The following ADAMTS12 variants were observed in gnomAD, a reference collection of about 807,000 sequenced individuals.
ADAMTS12 encodes the protein ADAM metallopeptidase with thrombospondin type 1 motif 12.
Under a neutral mutation model 167.8 loss-of-function variants are expected in ADAMTS12, and 118 were observed. The ratio of observed to expected loss-of-function variants is 0.70; its 90% CI spans 0.61 to 0.82. The LOEUF is 0.82. ADAMTS12 is among the 40% of genes least tolerant of loss of function. The pLI is 0.00. For synonymous variants in ADAMTS12, 704 were observed against 716.9 expected (o/e 0.98, Z 0.29); for missense variants, 1,916 against 1,998.8 (o/e 0.96, Z 0.79).
chr5:33,825,185 G>A (rs1748015680), intron 2 of ADAMTS12, among the ~76,000 whole-genome samples: 1 of 152,164 alleles, frequency 6.6e-6, no homozygotes, highest in Admixed American at 6.6e-5. Flanking sequence ...TTTCTGCTCT[G>A]CAAAGAGCTT....
At chr5:33,668,259 A>G (rs1033870623) in intron 5 of ADAMTS12, among the ~76,000 whole-genome samples, 7 of 130,038 alleles carry the variant, frequency 5.4e-5, no homozygotes. Context: ...TAAAGTGTTG[A>G]ATAGCTCATG....
intron 23 of ADAMTS12, among the ~76,000 whole-genome samples, chr5:33,532,138 A>T (rs1457800647): frequency 6.6e-6 from 1 of 152,182 alleles, no homozygotes; most frequent in Non-Finnish European, 1.5e-5. Flanking sequence ...TCACATTTGG[A>T]AATTTAAAGG....
Position 33,679,877 on chromosome 5 carries a change from C to T in ADAMTS12, c.915+3141G>A, listed in dbSNP as rs1020055103. 1.7e-4 allele frequency among the ~76,000 whole-genome samples: 26 copies of T among 152,278 alleles called. No individual in the cohort carries two copies. In the Middle Eastern group the frequency reaches 0.01, roughly 60 times the overall value. On this transcript the variant is annotated intron_variant, in intron 5 of 23. Coordinates refer to ENST00000504830, the MANE Select transcript of ADAMTS12 (RefSeq NM_030955.4). ...CAATGATGTAACTTCCTTAGAGTTG[C>T]TGAACTCAGGTCAACTTGCTCAAAG...
chr5:33,734,519 C>CAG (rs1744300720), intron 3 of ADAMTS12, among the ~76,000 whole-genome samples: 1 of 152,290 alleles, frequency 6.6e-6, no homozygotes, highest in African/African-American at 2.4e-5. Context: ...ACAAGGAAGA[C>CAG]AGCTAACATG....
intron 8 of ADAMTS12, among the ~76,000 whole-genome samples, 159 bp from the exon 9 acceptor site, chr5:33,649,125 T>A (rs1740785392): frequency 6.6e-6 from 1 of 152,222 alleles, no homozygotes; most frequent in Admixed American, 6.5e-5. Context: ...ATGGGAGTTA[T>A]TAAAGAAAAT....
intron 3 of ADAMTS12, among the ~76,000 whole-genome samples, chr5:33,696,750 A>G (rs35185995): frequency 0.35 from 52,646 of 152,058 alleles, 10,859 homozygotes; most frequent in Non-Finnish European, 0.47. Flanking sequence ...AATTTTTTCA[A>G]TAGAGATATT....
At chr5:33,771,594 A>G (rs781718005) in intron 2 of ADAMTS12, among the ~76,000 whole-genome samples, 14 of 152,144 alleles carry the variant, frequency 9.2e-5, no homozygotes, top group Non-Finnish European at 1.3e-4. Flanking sequence ...TTTAACAGAT[A>G]GAGTTTTAGT....
intron 3 of ADAMTS12, among the ~76,000 whole-genome samples, chr5:33,724,700 C>T (rs376468757): frequency 3.9e-4 from 59 of 151,994 alleles, no homozygotes; most frequent in African/African-American, 1.3e-3. Flanking sequence ...TACAGGCGCC[C>T]GCCACCGTGC....
At position 33,561,016 on chromosome 5, in the gene ADAMTS12, T is replaced by C. The variant is rs757085475; in HGVS notation, c.4125+11A>G. 4 of 1,613,662 alleles carry C rather than the reference T, an allele frequency of 2.5e-6. No homozygotes were observed. The highest frequency in any genetic ancestry group is 3.4e-6 in the Non-Finnish European group (4 of 1,179,910). Reference sequence around the variant, plus strand: ...TCTACCTCCAAGACTCTGCCAAGCCTGATAAGTTACCTTGCTCCAGTTTCC... The same window carrying C: ...TCTACCTCCAAGACTCTGCCAAGCCCGATAAGTTACCTTGCTCCAGTTTCC... On this transcript the variant is annotated intron_variant, in intron 20 of 23. Coordinates refer to ENST00000504830, the MANE Select transcript of ADAMTS12 (RefSeq NM_030955.4).
intron 3 of ADAMTS12, among the ~76,000 whole-genome samples, chr5:33,714,440 C>T (rs1185673582): frequency 2.0e-5 from 3 of 152,050 alleles, no homozygotes; most frequent in Non-Finnish European, 4.4e-5. Flanking sequence ...CCAGCAACCC[C>T]ACTAATATCT....
intron 3 of ADAMTS12, among the ~76,000 whole-genome samples, chr5:33,743,736 C>T (rs2112376782): frequency 6.6e-6 from 1 of 152,298 alleles, no homozygotes; most frequent in Non-Finnish European, 1.5e-5. Context: ...TCCATCCATC[C>T]ACCCACCCTT....
chr5:33,627,775 AATTG>A (rs1719433230), intron 13 of ADAMTS12, among the ~76,000 whole-genome samples: 1 of 152,158 alleles, frequency 6.6e-6, no homozygotes, highest in Non-Finnish European at 1.5e-5. Context: ...AGCTCTGAGC[AATTG>A]ATTTAGGGAT....
intron 2 of ADAMTS12, among the ~76,000 whole-genome samples, chr5:33,849,562 A>C (rs1749125684): frequency 7.1e-6 from 1 of 140,278 alleles, no homozygotes; most frequent in Non-Finnish European, 1.5e-5. Context: ...ACTGCATAGC[A>C]ATACACATGT....
chr5:33,541,332 T>G (rs1030896360), intron 22 of ADAMTS12, among the ~76,000 whole-genome samples: 1 of 152,184 alleles, frequency 6.6e-6, no homozygotes, highest in South Asian at 2.1e-4. Flanking sequence ...TATGGGACTA[T>G]GTGAAAAGAC....
chr5:33,695,453 T>C (rs1384522940), intron 3 of ADAMTS12, among the ~76,000 whole-genome samples: 3 of 152,230 alleles, frequency 2.0e-5, no homozygotes, highest in Non-Finnish European at 4.4e-5. Flanking sequence ...AGTAACTTCC[T>C]GTCCATAAAC....
intron 22 of ADAMTS12, among the ~76,000 whole-genome samples, chr5:33,535,222 T>A (rs906691876): frequency 2.0e-5 from 3 of 152,214 alleles, no homozygotes; most frequent in Admixed American, 2.0e-4. Flanking sequence ...ACTATTAGGT[T>A]CTCTGCAGAA....
At chr5:33,602,467 A>G (rs1245070029) in intron 16 of ADAMTS12, among the ~76,000 whole-genome samples, 1 of 152,158 alleles carries the variant, frequency 6.6e-6, no homozygotes, top group East Asian at 1.9e-4. Context: ...TCGTCCTCCT[A>G]TTATCTTTAT....
At chr5:33,686,486 T>C (rs1171657260) in intron 3 of ADAMTS12, among the ~76,000 whole-genome samples, 1 of 152,120 alleles carries the variant, frequency 6.6e-6, no homozygotes, top group Non-Finnish European at 1.5e-5. Context: ...CTCTCCCCTT[T>C]TTCTACCTTT....
intron 2 of ADAMTS12, among the ~76,000 whole-genome samples, chr5:33,849,614 T>TTGC (rs1749133843): frequency 3.0e-5 from 3 of 101,182 alleles, no homozygotes; most frequent in African/African-American, 9.3e-5. Flanking sequence ...TAGCAATATA[T>TTGC]ATGTATTGCA....
Sources: gnomAD v4.1 joint callset for allele counts (sites outside exome capture counted in the v4.1 genomes callset) on GRCh38, gnomAD v4.1.1 for gene constraint, MANE v1.5 for transcripts, NCBI Gene and HGNC (gene_info 2026-07-23, HGNC 2026-07-21) for gene names.